The following PTPRG variants were observed in gnomAD, a reference collection of about 807,000 sequenced individuals.
The protein encoded by PTPRG is protein tyrosine phosphatase receptor type G.
PTPRG carries 102 observed loss-of-function variants against 165.3 expected under a neutral mutation model. That is an observed-to-expected ratio of 0.62 (90% CI 0.53 to 0.73). The LOEUF is 0.73. PTPRG is among the 30% of genes least tolerant of loss of function. PTPRG has a pLI of 0.00. For missense variants in PTPRG, 1,866 were observed against 1,861.4 expected (o/e 1.00, Z -0.05); for synonymous variants, 675 against 669.5 (o/e 1.01, Z -0.13).
intron 4 of PTPRG, among the ~76,000 whole-genome samples, chr3:62,026,366 T>C (rs1022747631): frequency 6.6e-6 from 1 of 152,214 alleles, no homozygotes; most frequent in African/African-American, 2.4e-5. Flanking sequence ...CAAGCTCTTA[T>C]GTTCCATGTG....
At chr3:62,180,282 G>C (rs1705595959) in intron 8 of PTPRG, among the ~76,000 whole-genome samples, 2 of 152,186 alleles carry the variant, frequency 1.3e-5, no homozygotes, top group South Asian at 4.1e-4. Context: ...GTGTTGCTAA[G>C]GGCAGCTTTA....
At chr3:62,077,891 A>G (rs1465246263) in intron 4 of PTPRG, among the ~76,000 whole-genome samples, 3 of 151,532 alleles carry the variant, frequency 2.0e-5, no homozygotes, top group Non-Finnish European at 4.4e-5. Context: ...AATCCCAGCT[A>G]TTCGGCTGAG....
chr3:61,620,919 G>A (rs543355048), intron 1 of PTPRG, among the ~76,000 whole-genome samples: 4 of 151,790 alleles, frequency 2.6e-5, no homozygotes, highest in South Asian at 2.1e-4. Context: ...GTGAGCCACC[G>A]CGCCCGGCCT....
At chr3:61,882,238 TG>T (rs2037907790) in intron 2 of PTPRG, among the ~76,000 whole-genome samples, 1 of 152,246 alleles carries the variant, frequency 6.6e-6, no homozygotes, top group Non-Finnish European at 1.5e-5. Flanking sequence ...CTGCGTGTGT[TG>T]TTTACACAAT....
intron 2 of PTPRG, among the ~76,000 whole-genome samples, chr3:61,776,089 T>TG (rs1553665580): frequency 6.8e-6 from 1 of 147,532 alleles, no homozygotes; most frequent in East Asian, 2.0e-4. Flanking sequence ...ATAATAAAAT[T>TG]AAAAAAAAAA....
At chr3:61,707,917 T>C (rs1205635254) in intron 1 of PTPRG, among the ~76,000 whole-genome samples, 1 of 152,106 alleles carries the variant, frequency 6.6e-6, no homozygotes, top group Non-Finnish European at 1.5e-5. Flanking sequence ...GCCTCCCGAG[T>C]ACCTGGGACT....
At chr3:61,646,504 C>T (rs1702204852) in intron 1 of PTPRG, among the ~76,000 whole-genome samples, 1 of 152,164 alleles carries the variant, frequency 6.6e-6, no homozygotes, top group Non-Finnish European at 1.5e-5. Flanking sequence ...ACATTATTCC[C>T]CTAGAGGAGT....
intron 1 of PTPRG, among the ~76,000 whole-genome samples, chr3:61,669,869 T>G (rs903775094): frequency 1.3e-5 from 2 of 152,162 alleles, no homozygotes; most frequent in Non-Finnish European, 2.9e-5. Context: ...AGACACGTGC[T>G]GCCTTTGAAT....
chr3:61,959,543 A>G (rs1575824598), intron 2 of PTPRG, among the ~76,000 whole-genome samples: 1 of 152,218 alleles, frequency 6.6e-6, no homozygotes, highest in East Asian at 1.9e-4. Flanking sequence ...TCAGGCAGTA[A>G]TGCTGAATCC....
chr3:61,644,316 C>T (rs1245803958), intron 1 of PTPRG, among the ~76,000 whole-genome samples: 1 of 152,126 alleles, frequency 6.6e-6, no homozygotes, highest in Non-Finnish European at 1.5e-5. Context: ...GATGTGACTT[C>T]CCATAAGTAA....
chr3:62,232,552 A>C (rs1244452228), intron 14 of PTPRG, among the ~76,000 whole-genome samples: 3 of 152,250 alleles, frequency 2.0e-5, no homozygotes, highest in Admixed American at 2.0e-4. Flanking sequence ...TGACTATAAC[A>C]CTTTAAAAAC....
chr3:61,655,491 C>A (rs1170794446), intron 1 of PTPRG, among the ~76,000 whole-genome samples: 1 of 152,138 alleles, frequency 6.6e-6, no homozygotes, highest in African/African-American at 2.4e-5. Flanking sequence ...ATAATTGACA[C>A]ATCTCAGTCA....
At chr3:61,641,163 CAAAT>C (rs1014838808) in intron 1 of PTPRG, among the ~76,000 whole-genome samples, 14 of 152,124 alleles carry the variant, frequency 9.2e-5, no homozygotes, top group African/African-American at 3.1e-4. Flanking sequence ...TCTAGTGAAA[CAAAT>C]AAAATTCCTA....
intron 4 of PTPRG, among the ~76,000 whole-genome samples, chr3:62,070,343 T>C (rs1273342932): frequency 1.3e-5 from 2 of 152,234 alleles, no homozygotes; most frequent in Non-Finnish European, 2.9e-5. Context: ...TTCAATATCT[T>C]GAGCCCTCCT....
chr3:62,167,917 G>A, intron 7 of PTPRG, 54 bp from the exon 8 acceptor site: 3 of 1,500,174 alleles, frequency 2.0e-6, no homozygotes, highest in Middle Eastern at 4.6e-4. Flanking sequence ...TAATTGATGT[G>A]TGTTTTTTGT....
chr3:61,854,708 G>A (rs943025335), intron 2 of PTPRG, among the ~76,000 whole-genome samples: 2 of 152,168 alleles, frequency 1.3e-5, no homozygotes, highest in Non-Finnish European at 2.9e-5. Flanking sequence ...GCAGTCTCAT[G>A]TGAGTGGGCA....
intron 2 of PTPRG, among the ~76,000 whole-genome samples, chr3:61,967,321 C>G (rs72885865): frequency 0.013 from 1,924 of 152,190 alleles, 42 homozygotes; most frequent in African/African-American, 0.043. Flanking sequence ...TTTTAACAAA[C>G]TAGGCAGAGT....
chr3:62,178,904 G>A (rs1705542057), intron 8 of PTPRG, among the ~76,000 whole-genome samples: 2 of 152,194 alleles, frequency 1.3e-5, no homozygotes, highest in Admixed American at 1.3e-4. Flanking sequence ...AATTAATAAA[G>A]GCCAACAGCT....
At chr3:61,711,423 C>A (rs1438907285) in intron 1 of PTPRG, among the ~76,000 whole-genome samples, 2 of 152,226 alleles carry the variant, frequency 1.3e-5, no homozygotes, top group African/African-American at 4.8e-5. Flanking sequence ...CATATCCTCT[C>A]CAGCATCTGT....
Sources: gnomAD v4.1 joint callset for allele counts (sites outside exome capture counted in the v4.1 genomes callset) on GRCh38, gnomAD v4.1.1 for gene constraint, MANE v1.5 for transcripts, NCBI Gene and HGNC (gene_info 2026-07-23, HGNC 2026-07-21) for gene names.